CCNH: variants seen among roughly 807,000 people sequenced by gnomAD.
CCNH encodes the protein cyclin-H.
A neutral mutation model predicts 41.9 loss-of-function variants in CCNH; 31 were observed. That is an observed-to-expected ratio of 0.74 (90% CI 0.56 to 1.00). The LOEUF is 1.00. Ranked by LOEUF, CCNH falls within the 50% of genes least tolerant of loss-of-function variation. The probability of loss-of-function intolerance (pLI) is 0.00; values close to 1 mark genes in which losing one functional copy is unlikely to be tolerated. For missense variants in CCNH, 362 were observed against 388.4 expected, an observed-to-expected ratio of 0.93 and a Z score of 0.57; for synonymous variants, 138 against 136.1, an observed-to-expected ratio of 1.01 and a Z score of -0.10.
At chr5:87,325,658 A>T (rs1161849524) in intron 9 of CCNH, among the ~76,000 whole-genome samples, 1 of 152,204 alleles carries the variant, frequency 6.6e-6, no homozygotes, top group Admixed American at 6.5e-5. Context: ...CAAAAGGAAA[A>T]ACCAAGTGGA....
chr5:87,399,047 TC>T (rs1265635609), intron 7 of CCNH, among the ~76,000 whole-genome samples: 1 of 151,330 alleles, frequency 6.6e-6, no homozygotes, highest in African/African-American at 2.4e-5. Flanking sequence ...GCATATTTGT[TC>T]CTCAGACCAG....
At chr5:87,374,414 A>G, downstream of CCNH, 1 of 1,016,144 alleles carries the variant, frequency 9.8e-7, no homozygotes, top group Non-Finnish European at 1.4e-6. Context: ...CCATCAGAAC[A>G]AGGTACCATA....
intron 9 of CCNH, among the ~76,000 whole-genome samples, chr5:87,350,765 TCCCCCA>T (rs1228243605): frequency 1.3e-5 from 2 of 151,638 alleles, no homozygotes; most frequent in Non-Finnish European, 3.0e-5. Flanking sequence ...CCTTGACCAT[TCCCCCA>T]GAACTTTGAT....
downstream of CCNH, chr5:87,394,163 CAT>C (rs904946924): frequency 1.0e-4 from 81 of 800,766 alleles, no homozygotes; most frequent in Non-Finnish European, 1.2e-4. Flanking sequence ...TTAAAAAAAG[CAT>C]AGGTTTGCCT....
Position 87,338,537 on chromosome 5 carries a change from T to TATATA in CCNH, c.*91-19641_*91-19640insTATAT, listed in dbSNP as rs1421369290. Among the ~76,000 whole-genome samples the TATATA allele has an allele frequency of 1.3e-4, 10 of 79,794 alleles. 1 individual carries two copies. The highest frequency in any genetic ancestry group is 1.8e-4 in the African/African-American group (4 of 21,950). 52.3% of individuals were successfully genotyped at this position (79,794 alleles called of 152,430 possible). A position where few individuals can be genotyped will look rare whatever the true frequency, so the allele number is the denominator to read the frequency against. The stretch of plus-strand genomic sequence containing the variant: ...TATATATATATATATATATATAAAA[T>TATATA]TTTTTTTTTTTTTAAGTAGAAATGG... On this transcript the variant is annotated intron_variant and NMD_transcript_variant, in intron 9 of 9. Transcript: ENST00000645953.
At chr5:87,313,044 G>C in the CCNH span, among the ~76,000 whole-genome samples, 1 of 152,154 alleles carries the variant, frequency 6.6e-6, no homozygotes, top group Non-Finnish European at 1.5e-5. Context: ...GAATTGGATG[G>C]GGGCTGAACA....
chr5:87,410,094 T>C (rs1764112916), intron 2 of CCNH, among the ~76,000 whole-genome samples: 1 of 152,234 alleles, frequency 6.6e-6, no homozygotes, highest in Non-Finnish European at 1.5e-5. Context: ...TTAACCATTA[T>C]ATCATTTGGC....
chr5:87,376,196 TCTAC>T (rs1761314658), downstream of CCNH: 4 of 642,884 alleles, frequency 6.2e-6, no homozygotes, highest in African/African-American at 3.6e-5. Flanking sequence ...CTCTGTACTC[TCTAC>T]CTATCAGAGT....
chr5:87,333,435 T>C, intron 9 of CCNH: 2 of 1,545,016 alleles, frequency 1.3e-6, no homozygotes, highest in Non-Finnish European at 1.8e-6. Flanking sequence ...TTTGAAGAAA[T>C]GGCATACAGC....
At chr5:87,407,891 G>A in intron 4 of CCNH, 85 bp downstream of exon 4, 1 of 997,158 alleles carries the variant, frequency 1.0e-6, no homozygotes, top group Non-Finnish European at 1.6e-6. Context: ...CAACGAGGAT[G>A]ATTATGAGTT....
At chr5:87,398,460 AT>A (rs1763133517) in intron 7 of CCNH, among the ~76,000 whole-genome samples, 1 of 152,216 alleles carries the variant, frequency 6.6e-6, no homozygotes, top group East Asian at 1.9e-4. Context: ...AACAAAATGC[AT>A]CCCACAGGAA....
intron 9 of CCNH, among the ~76,000 whole-genome samples, chr5:87,322,586 T>G (rs1016819488): frequency 6.6e-6 from 1 of 152,094 alleles, no homozygotes; most frequent in Non-Finnish European, 1.5e-5. Context: ...TAGCTCTCCC[T>G]TTGCCTTCTG....
intron 9 of CCNH, among the ~76,000 whole-genome samples, chr5:87,364,063 G>T (rs1760320776): frequency 6.6e-6 from 1 of 151,956 alleles, no homozygotes; most frequent in Non-Finnish European, 1.5e-5. Context: ...TTTTTCTCAA[G>T]AACAATGGCC....
chr5:87,342,855 C>G (rs1405844755), intron 9 of CCNH, among the ~76,000 whole-genome samples: 1 of 152,042 alleles, frequency 6.6e-6, no homozygotes, highest in Non-Finnish European at 1.5e-5. Context: ...TAGATAATAG[C>G]AATGGAATTT....
chr5:87,395,896 G>A lies in CCNH; in HGVS notation c.873-792C>T, dbSNP rs148195362. Among the ~76,000 whole-genome samples, 315 of 151,822 alleles carry A rather than the reference G, an allele frequency of 2.1e-3. 1 individual carries two copies. The highest frequency in any genetic ancestry group is 7.1e-3 in the African/African-American group (293 of 41,394). ...CTCAAAAAAGCGGGGTGTGGGAGCT[G>A]GGGCAAAAATTAGTATTTGGAAAAA... is the stretch of plus-strand genomic sequence containing the variant. On this transcript the variant is annotated intron_variant, in intron 7 of 8. Transcript: ENST00000256897.
chr5:87,331,291 C>T, intron 9 of CCNH: 1 of 1,498,634 alleles, frequency 6.7e-7, no homozygotes, highest in Non-Finnish European at 9.3e-7. Context: ...TTCAAGTGTC[C>T]ATAGAAATTC....
chr5:87,374,109 G>C (rs1761143741), downstream of CCNH: 2 of 1,261,530 alleles, frequency 1.6e-6, no homozygotes, highest in Admixed American at 3.6e-5. Flanking sequence ...TTGAAATGTA[G>C]TGCAATTCTA....
At chr5:87,379,892 A>G (rs140502802), upstream of CCNH, 1,050 of 1,579,770 alleles carry the variant, frequency 6.6e-4, 4 homozygotes, top group African/African-American at 7.8e-3. Context: ...TTGTGTATCT[A>G]TGTCTTCAGA....
chr5:87,363,342 A>T (rs1041546774), intron 9 of CCNH: 15 of 1,585,828 alleles, frequency 9.5e-6, no homozygotes, highest in South Asian at 1.1e-5. Flanking sequence ...TTTTTTTTTT[A>T]AACAGGCAAA....
Sources: allele counts gnomAD v4.1 joint callset (sites outside exome capture counted in the v4.1 genomes callset), GRCh38; gene constraint gnomAD v4.1.1; transcripts MANE v1.5; gene names NCBI Gene and HGNC (gene_info 2026-07-23, HGNC 2026-07-21).